SLC25A26: variants seen among roughly 807,000 people sequenced by gnomAD.
SLC25A26 encodes the protein mitochondrial S-adenosylmethionine carrier protein.
Under a neutral mutation model 37.8 loss-of-function variants are expected in SLC25A26, and 36 were observed. That is an observed-to-expected ratio of 0.95 (90% CI 0.73 to 1.26). The LOEUF is 1.26. Among genes scored for constraint, SLC25A26 ranks in the 50% most tolerant of loss-of-function variants. The probability of loss-of-function intolerance (pLI) is 0.00; values close to 1 mark genes in which losing one functional copy is unlikely to be tolerated. For missense variants in SLC25A26, 390 were observed against 331.1 expected, an observed-to-expected ratio of 1.18 and a Z score of -1.38; for synonymous variants, 129 against 122.5, an observed-to-expected ratio of 1.05 and a Z score of -0.35.
At chr3:66,138,409 T>C (rs949150803) in intron 1 of SLC25A26, among the ~76,000 whole-genome samples, 1 of 152,176 alleles carries the variant, frequency 6.6e-6, no homozygotes, top group African/African-American at 2.4e-5. Flanking sequence ...TTAAAAATAT[T>C]ATACACTTGA....
chr3:66,298,463 T>C (rs903480372), intron 5 of SLC25A26, among the ~76,000 whole-genome samples: 8 of 152,174 alleles, frequency 5.3e-5, no homozygotes, highest in African/African-American at 1.9e-4. Context: ...TGGGGTTTTC[T>C]TTTTTTGGTG....
chr3:66,198,115 T>C (rs998698963), intron 1 of SLC25A26, among the ~76,000 whole-genome samples: 1 of 152,012 alleles, frequency 6.6e-6, no homozygotes, highest in South Asian at 2.1e-4. Context: ...TCAGGAAAAG[T>C]CCAGAGTCAA....
At chr3:66,301,313 A>T (rs2075069402) in intron 5 of SLC25A26, among the ~76,000 whole-genome samples, 1 of 152,208 alleles carries the variant, frequency 6.6e-6, no homozygotes, top group East Asian at 1.9e-4. Flanking sequence ...ACAGATTTTT[A>T]TACAGACTTT....
At chr3:66,302,990 C>T (rs1553689296) in intron 5 of SLC25A26, among the ~76,000 whole-genome samples, 4 of 152,156 alleles carry the variant, frequency 2.6e-5, no homozygotes, top group Non-Finnish European at 5.9e-5. Flanking sequence ...CCCCCCTTTG[C>T]ATTCCAGGCT....
chr3:66,160,151 C>T (rs757997012), intron 1 of SLC25A26, among the ~76,000 whole-genome samples: 12 of 151,950 alleles, frequency 7.9e-5, no homozygotes, highest in African/African-American at 1.2e-4. Flanking sequence ...TACAGTCATG[C>T]GCCACCACAC....
At chr3:66,242,942 C>G (rs1010075085) in intron 2 of SLC25A26, among the ~76,000 whole-genome samples, 1 of 152,172 alleles carries the variant, frequency 6.6e-6, no homozygotes, top group Non-Finnish European at 1.5e-5. Flanking sequence ...CAGTACAACA[C>G]GGTAAGTGCT....
chr3:66,360,157 T>C (rs1396542609), intron 6 of SLC25A26, among the ~76,000 whole-genome samples: 2 of 152,150 alleles, frequency 1.3e-5, no homozygotes. Context: ...CTCACAACCT[T>C]CCAGAGATAG....
At chr3:66,316,120 G>A (rs2075532156) in intron 5 of SLC25A26, among the ~76,000 whole-genome samples, 1 of 152,172 alleles carries the variant, frequency 6.6e-6, no homozygotes, top group Admixed American at 6.5e-5. Flanking sequence ...TACATTTAAG[G>A]TTACTATTGT....
chr3:66,358,435 G>C (rs952836804), intron 6 of SLC25A26, among the ~76,000 whole-genome samples: 3 of 152,140 alleles, frequency 2.0e-5, no homozygotes, highest in Non-Finnish European at 4.4e-5. Flanking sequence ...GACATAGTTT[G>C]TTCATTCACT....
chr3:66,297,677 GGCAT>G (rs1483401714), intron 5 of SLC25A26, among the ~76,000 whole-genome samples: 1 of 152,050 alleles, frequency 6.6e-6, no homozygotes, highest in Non-Finnish European at 1.5e-5. Flanking sequence ...AAGCTTTATT[GGCAT>G]GCAGCCACTT....
chr3:66,371,080 C>A lies in SLC25A26; in HGVS notation c.707+478C>A. 2.2e-6 allele frequency: 3 copies of A among 1,373,222 alleles called. No homozygotes were observed. In the South Asian group the frequency reaches 5.4e-5, roughly 25 times the overall value. 85.1% of individuals were successfully genotyped at this position (1,373,222 alleles called of 1,614,324 possible). ...TGTGCTACAGAAGTGCCTCAGACTT[C>A]TAGCTTCATGTCCTAAAAGCTCTCT... On this transcript the variant is annotated intron_variant, in intron 9 of 9. Transcript: ENST00000354883.
chr3:66,306,676 G>T (rs1291540257), intron 5 of SLC25A26, among the ~76,000 whole-genome samples: 2 of 151,992 alleles, frequency 1.3e-5, no homozygotes, highest in African/African-American at 4.8e-5. Flanking sequence ...CCCCCAACAG[G>T]CCCCAGTGTG....
intron 5 of SLC25A26, among the ~76,000 whole-genome samples, chr3:66,282,915 A>C (rs1012535369): frequency 6.6e-6 from 1 of 152,170 alleles, no homozygotes; most frequent in African/African-American, 2.4e-5. Context: ...TTTCTGTTTG[A>C]GAATGTCATT....
chr3:66,192,572 A>G (rs1048843905), intron 1 of SLC25A26, among the ~76,000 whole-genome samples: 1 of 152,060 alleles, frequency 6.6e-6, no homozygotes. Flanking sequence ...AGAGCAAAGG[A>G]GAATGAATCT....
upstream of SLC25A26, among the ~76,000 whole-genome samples, chr3:66,218,210 A>G (rs1181886418): frequency 6.6e-6 from 1 of 152,294 alleles, no homozygotes; most frequent in East Asian, 1.9e-4. Context: ...CATTATAAAG[A>G]TGTATCATAA....
chr3:66,287,169 G>C (rs551611328), intron 5 of SLC25A26, among the ~76,000 whole-genome samples: 1 of 151,912 alleles, frequency 6.6e-6, no homozygotes, highest in Non-Finnish European at 1.5e-5. Context: ...GGTGGCAGGC[G>C]CCTGTAGTCC....
In SLC25A26 at chr3:66,362,942, ATAT is replaced by A; in HGVS notation, c.568+17_568+19del. 6.4e-7 allele frequency: 1 copy of A among 1,568,126 alleles called. No individual in the cohort carries two copies. The highest frequency in any genetic ancestry group is 2.3e-5 in the East Asian group (1 of 43,938). On this transcript the variant is annotated intron_variant, in intron 7 of 9. Transcript: ENST00000354883. ...GGAGCTTTTGCAGGTGCAAAGGATT[ATAT>A]TATACTGGGAAAGACCAAAGAGGGG...
At chr3:66,367,076 G>A (rs1161069440) in intron 7 of SLC25A26, among the ~76,000 whole-genome samples, 1 of 152,190 alleles carries the variant, frequency 6.6e-6, no homozygotes, top group African/African-American at 2.4e-5. Context: ...CCAGGGTACC[G>A]ATTAAGCGTT....
In SLC25A26 at chr3:66,294,685, G is replaced by C. The variant is rs142603684; in HGVS notation, c.453+31306G>C. On this transcript the variant is annotated intron_variant, in intron 5 of 9. Coordinates refer to ENST00000354883, the MANE Select transcript of SLC25A26 (RefSeq NM_001379210.1). ...AGTCTTAGAATATCAGCATTAAATA[G>C]AACTTTTAAAAAAATTCATGTAGCA... Among the ~76,000 whole-genome samples, 1,174 of 152,208 alleles carry C rather than the reference G, an allele frequency of 7.7e-3. 14 individuals are homozygous for C. Among genetic ancestry groups the C allele is most frequent in the African/African-American group, 0.026 (1,089 of 41,526 alleles).
Sources: gnomAD v4.1 joint callset for allele counts (sites outside exome capture counted in the v4.1 genomes callset) on GRCh38, gnomAD v4.1.1 for gene constraint, MANE v1.5 for transcripts, NCBI Gene and HGNC (gene_info 2026-07-23, HGNC 2026-07-21) for gene names.